The following UHRF2 variants were observed in gnomAD, a reference collection of about 807,000 sequenced individuals.
UHRF2 encodes the protein E3 ubiquitin-protein ligase UHRF2.
UHRF2 carries 23 observed loss-of-function variants against 96.8 expected under a neutral mutation model. That is an observed-to-expected ratio of 0.24 (90% CI 0.17 to 0.34). The LOEUF is 0.34. Ranked by LOEUF, UHRF2 falls within the 10% of genes least tolerant of loss-of-function variation. The pLI is 1.00. For missense variants in UHRF2, 685 were observed against 981.5 expected (o/e 0.70, Z 4.04); for synonymous variants, 385 against 332.6 (o/e 1.16, Z -1.72).
At chr9:6,484,273 G>A (rs1308221866) in intron 8 of UHRF2, among the ~76,000 whole-genome samples, 3 of 152,068 alleles carry the variant, frequency 2.0e-5, no homozygotes, top group South Asian at 4.2e-4. Flanking sequence ...ACAGGGTCAT[G>A]CTATGTTACC....
At chr9:6,481,856 A>G in intron 7 of UHRF2, 90 bp downstream of exon 7, 5 of 1,543,618 alleles carry the variant, frequency 3.2e-6, no homozygotes, top group East Asian at 2.3e-5. Flanking sequence ...AAAAGATTAA[A>G]CAGTATCATT....
intron 3 of UHRF2, among the ~76,000 whole-genome samples, chr9:6,456,148 C>CT (rs1822158779): frequency 6.6e-6 from 1 of 151,988 alleles, no homozygotes; most frequent in Non-Finnish European, 1.5e-5. Context: ...TGGCTTTTTT[C>CT]TTTTTAGAAT....
chr9:6,456,110 C>A (rs1280379488), intron 3 of UHRF2, among the ~76,000 whole-genome samples: 1 of 152,166 alleles, frequency 6.6e-6, no homozygotes, highest in Non-Finnish European at 1.5e-5. Flanking sequence ...AGAATTTTTA[C>A]ATGGTTTTAC....
intron 1 of UHRF2, among the ~76,000 whole-genome samples, chr9:6,416,062 TTTG>T (rs571974158): frequency 2.4e-4 from 37 of 152,148 alleles, no homozygotes; most frequent in Non-Finnish European, 4.9e-4. Flanking sequence ...CTCCACTTTT[TTTG>T]TTGTTGTTTT....
At chr9:6,414,050 A>G (rs1819446669) in intron 1 of UHRF2, 1 of 159,560 alleles carries the variant, frequency 6.3e-6, no homozygotes. Flanking sequence ...AGAGCTGGCT[A>G]ACCCGGCTGA....
chr9:6,424,209 A>G (rs1423063225), intron 2 of UHRF2, among the ~76,000 whole-genome samples: 2 of 152,228 alleles, frequency 1.3e-5, no homozygotes, highest in African/African-American at 4.8e-5. Flanking sequence ...TTAGAAAGTT[A>G]TGAGCAGTCA....
chr9:6,505,853 G>A (rs1400197372), intron 15 of UHRF2, among the ~76,000 whole-genome samples, 180 bp from the exon 16 acceptor site: 1 of 152,234 alleles, frequency 6.6e-6, no homozygotes, highest in Non-Finnish European at 1.5e-5. Flanking sequence ...ATATCTGCCA[G>A]AGATGAAACT....
chr9:6,448,571 T>C (rs528212618), intron 3 of UHRF2, among the ~76,000 whole-genome samples: 8 of 152,208 alleles, frequency 5.3e-5, no homozygotes, highest in African/African-American at 1.7e-4. Flanking sequence ...AGGGTTGTTA[T>C]AAGTATATGT....
intron 3 of UHRF2, among the ~76,000 whole-genome samples, chr9:6,451,516 G>A (rs541816767): frequency 2.0e-4 from 30 of 149,420 alleles, no homozygotes; most frequent in African/African-American, 6.7e-4. Flanking sequence ...TCTCGCTGTC[G>A]CCCAGGTTGG....
At chr9:6,420,093 G>T (rs1269432331) in intron 1 of UHRF2, among the ~76,000 whole-genome samples, 1 of 149,924 alleles carries the variant, frequency 6.7e-6, no homozygotes, top group Non-Finnish European at 1.5e-5. Context: ...GTCTCCCTCT[G>T]TTGCCCAGGT....
At chr9:6,422,787 A>G (rs1488235404) in intron 2 of UHRF2, 2 of 413,486 alleles carry the variant, frequency 4.8e-6, no homozygotes, top group East Asian at 7.1e-5. Flanking sequence ...TAGATCTTTG[A>G]TATCTTGATT....
intron 9 of UHRF2, among the ~76,000 whole-genome samples, chr9:6,487,435 C>T (rs1002916084): frequency 2.0e-5 from 3 of 152,056 alleles, no homozygotes; most frequent in Non-Finnish European, 2.9e-5. Context: ...GGCTCAGTCT[C>T]GGCTTACTGC....
At chr9:6,435,066 T>C (rs1485644638) in intron 3 of UHRF2, among the ~76,000 whole-genome samples, 1 of 151,698 alleles carries the variant, frequency 6.6e-6, no homozygotes. Flanking sequence ...GGGAGTACAG[T>C]GATGCAACCT....
intron 3 of UHRF2, among the ~76,000 whole-genome samples, chr9:6,455,200 A>T (rs927537802): frequency 6.6e-6 from 1 of 152,190 alleles, no homozygotes; most frequent in African/African-American, 2.4e-5. Flanking sequence ...CTCGTTTGTT[A>T]CATATGCATA....
At chr9:6,485,682 T>C (rs898990099) in intron 8 of UHRF2, among the ~76,000 whole-genome samples, 9 of 142,440 alleles carry the variant, frequency 6.3e-5, no homozygotes, top group African/African-American at 2.3e-4. Context: ...ACAATTGTAT[T>C]GGCCAGGCGT....
chr9:6,491,710 G>A (rs201391704), intron 9 of UHRF2, among the ~76,000 whole-genome samples: 1 of 152,124 alleles, frequency 6.6e-6, no homozygotes, highest in Admixed American at 6.6e-5. Flanking sequence ...TAGAGGTTGG[G>A]AATAACTGAA....
intron 9 of UHRF2, among the ~76,000 whole-genome samples, chr9:6,487,179 TTCC>T (rs1824341149): frequency 1.4e-5 from 2 of 144,306 alleles, no homozygotes; most frequent in African/African-American, 5.3e-5. Context: ...TTATTTTTTT[TTCC>T]TTTTTTTTTT....
intron 9 of UHRF2, among the ~76,000 whole-genome samples, 180 bp downstream of exon 9, chr9:6,487,105 T>C (rs1824333717): frequency 6.6e-6 from 1 of 152,042 alleles, no homozygotes; most frequent in East Asian, 1.9e-4. Flanking sequence ...TTACATGTAC[T>C]GGTTTGACTT....
intron 4 of UHRF2, among the ~76,000 whole-genome samples, chr9:6,475,103 T>C (rs1823484499): frequency 6.6e-6 from 1 of 152,212 alleles, no homozygotes; most frequent in African/African-American, 2.4e-5. Context: ...TCATTTTAAT[T>C]GACAGAGTGC....
Sources: gnomAD v4.1 joint callset for allele counts (sites outside exome capture counted in the v4.1 genomes callset) on GRCh38, gnomAD v4.1.1 for gene constraint, MANE v1.5 for transcripts, NCBI Gene and HGNC (gene_info 2026-07-23, HGNC 2026-07-21) for gene names.